Variants in FGF13 observed in about 807,000 individuals in gnomAD.
The protein encoded by FGF13 is fibroblast growth factor homologous factor 2.
A neutral mutation model predicts 19.5 loss-of-function variants in FGF13; 2 were observed. The ratio of observed to expected loss-of-function variants is 0.10; its 90% CI spans 0.04 to 0.32. FGF13 has a LOEUF of 0.32. Ranked by LOEUF, FGF13 falls within the 10% of genes least tolerant of loss-of-function variation. The probability of loss-of-function intolerance (pLI) is 1.00; values close to 1 mark genes in which losing one functional copy is unlikely to be tolerated. For synonymous variants in FGF13, 72 were observed against 76.9 expected (o/e 0.94, Z 0.33); for missense variants, 113 against 192.7 (o/e 0.59, Z 2.45).
chrX:138,912,764 C>T (rs1232767841), intron 1 of FGF13, among the ~76,000 whole-genome samples: 1 of 111,715 alleles, frequency 9.0e-6, no homozygotes, highest in Non-Finnish European at 1.9e-5. Flanking sequence ...TTCGAACTCT[C>T]ACTCCCAGAT....
At chrX:138,939,609 C>T (rs2091748582) in intron 1 of FGF13, among the ~76,000 whole-genome samples, 1 of 110,963 alleles carries the variant, frequency 9.0e-6, no homozygotes, top group African/African-American at 3.3e-5. Flanking sequence ...ACTGTTATTC[C>T]CCTGTCTGTG....
Position 138,750,708 on chromosome X carries a change from G to C in FGF13, c.218-41780C>G, listed in dbSNP as rs759922538. ...GTGTTAGGTATGCCTGTAGGGGTAA[G>C]GCAGTGAAGATAATCTAAAAGTAGT... On this transcript the variant is annotated intron_variant, in intron 3 of 6. Transcript: ENST00000436198. Among the ~76,000 whole-genome samples, 5 of 111,269 alleles carry C rather than the reference G, an allele frequency of 4.5e-5. No individual in the cohort carries two copies. In the South Asian group the frequency reaches 1.1e-3, roughly 26 times the overall value.
chrX:139,011,361 C>CAAAAAA (rs3047329), intron 1 of FGF13, among the ~76,000 whole-genome samples: 1 of 82,931 alleles, frequency 1.2e-5, no homozygotes, highest in Non-Finnish European at 2.3e-5. Context: ...AACAAACAAA[C>CAAAAAA]AAAAAAAAAA....
chrX:138,852,667 A>G (rs5976212), downstream of FGF13, among the ~76,000 whole-genome samples: 5,642 of 111,995 alleles, frequency 0.05, 338 homozygotes, highest in African/African-American at 0.17. Context: ...TAATGAAAAC[A>G]TCAAAAGCAA....
chrX:139,067,689 G>A (rs763344938), intron 1 of FGF13, among the ~76,000 whole-genome samples: 5 of 112,130 alleles, frequency 4.5e-5, no homozygotes, highest in South Asian at 3.8e-4. Flanking sequence ...AATCGATATC[G>A]TGAAAATGGC....
At chrX:138,781,774 T>C (rs913456215) in intron 3 of FGF13, among the ~76,000 whole-genome samples, 4 of 111,106 alleles carry the variant, frequency 3.6e-5, no homozygotes, top group African/African-American at 1.3e-4. Context: ...TTCCAATCAA[T>C]AGAAAAAGAG....
chrX:139,102,199 A>C (rs1042963848), intron 1 of FGF13, among the ~76,000 whole-genome samples: 3 of 112,141 alleles, frequency 2.7e-5, no homozygotes, highest in Non-Finnish European at 5.6e-5. Context: ...TGGTAAGGAA[A>C]ATAAATTTGT....
intron 1 of FGF13, among the ~76,000 whole-genome samples, chrX:138,988,774 T>C (rs759410736): frequency 8.9e-6 from 1 of 112,051 alleles, no homozygotes; most frequent in African/African-American, 3.2e-5. Context: ...GAAACTAGCA[T>C]AGAGTTTTGA....
At chrX:138,893,888 T>A (rs1408538835) in intron 1 of FGF13, among the ~76,000 whole-genome samples, 13 of 111,450 alleles carry the variant, frequency 1.2e-4, no homozygotes, top group Admixed American at 5.7e-4. Context: ...ATCAGAGTCA[T>A]GATCTGAATG....
At chrX:138,659,197 C>T (rs1400609487) in intron 3 of FGF13, among the ~76,000 whole-genome samples, 1 of 111,869 alleles carries the variant, frequency 8.9e-6, no homozygotes, top group Non-Finnish European at 1.9e-5. Flanking sequence ...AGGCTAGGTG[C>T]AGTGGTGCAT....
At chrX:138,673,836 T>C (rs2089638523) in intron 3 of FGF13, among the ~76,000 whole-genome samples, 1 of 110,296 alleles carries the variant, frequency 9.1e-6, no homozygotes. Flanking sequence ...TGGCCTTATA[T>C]AAGAACAAGG....
upstream of FGF13, among the ~76,000 whole-genome samples, chrX:138,713,752 G>A (rs916528196): frequency 1.6e-4 from 18 of 111,871 alleles, no homozygotes; most frequent in African/African-American, 5.9e-4. Flanking sequence ...TTATTGGTGT[G>A]GACACTCTGT....
intron 1 of FGF13, among the ~76,000 whole-genome samples, chrX:139,034,220 G>A (rs774485108): frequency 4.0e-4 from 45 of 111,768 alleles, no homozygotes; most frequent in South Asian, 3.0e-3. Flanking sequence ...CAGAAGAGAC[G>A]GATGTTCACT....
At chrX:138,778,033 A>C (rs2090602422) in intron 3 of FGF13, among the ~76,000 whole-genome samples, 1 of 112,129 alleles carries the variant, frequency 8.9e-6, no homozygotes, top group Non-Finnish European at 1.9e-5. Context: ...AACTTATTGA[A>C]AAGGTGGGGG....
At chrX:139,008,160 G>T (rs2092112048) in intron 1 of FGF13, among the ~76,000 whole-genome samples, 2 of 112,129 alleles carry the variant, frequency 1.8e-5, no homozygotes, top group South Asian at 7.5e-4. Flanking sequence ...TGCCCAAAGA[G>T]AATCTGAGCT....
chrX:138,993,527 G>T (rs1404976382), intron 1 of FGF13, among the ~76,000 whole-genome samples: 1 of 111,466 alleles, frequency 9.0e-6, no homozygotes, highest in Non-Finnish European at 1.9e-5. Flanking sequence ...TAATGAAAAC[G>T]TATCTCTAAG....
At chrX:138,696,843 A>G (rs932688692) in intron 3 of FGF13, among the ~76,000 whole-genome samples, 1 of 112,262 alleles carries the variant, frequency 8.9e-6, no homozygotes, top group Non-Finnish European at 1.9e-5. Flanking sequence ...CATCAGCAAA[A>G]GCATTCTAAG....
chrX:138,834,362 C>T (rs1357564220), intron 3 of FGF13, among the ~76,000 whole-genome samples: 1 of 111,200 alleles, frequency 9.0e-6, no homozygotes, highest in Non-Finnish European at 1.9e-5. Flanking sequence ...CAGTTTCTTC[C>T]TAATTCAGTC....
At chrX:138,680,951 C>A (rs904711730) in intron 3 of FGF13, among the ~76,000 whole-genome samples, 6 of 110,383 alleles carry the variant, frequency 5.4e-5, no homozygotes, top group African/African-American at 2.0e-4. Flanking sequence ...GCAGGCAGAT[C>A]ACTTAAAGTC....
Sources: allele counts gnomAD v4.1 joint callset (sites outside exome capture counted in the v4.1 genomes callset), GRCh38; gene constraint gnomAD v4.1.1; transcripts MANE v1.5; gene names NCBI Gene and HGNC (gene_info 2026-07-23, HGNC 2026-07-21).